The following SYNPR variants were observed in gnomAD, a reference collection of about 807,000 sequenced individuals.
SYNPR encodes the protein synaptoporin.
SYNPR carries 23 observed loss-of-function variants against 32.9 expected under a neutral mutation model. That is an observed-to-expected ratio of 0.70 (90% confidence interval 0.50 to 0.99). The LOEUF (loss-of-function observed/expected upper bound fraction) is 0.99. Among genes scored for constraint, SYNPR ranks in the 50% least tolerant of loss-of-function variants. The pLI is 0.00. For synonymous variants in SYNPR, 146 were observed against 135.9 expected, an observed-to-expected ratio of 1.07 and a Z score of -0.52; for missense variants, 318 against 349.3, an observed-to-expected ratio of 0.91 and a Z score of 0.71.
chr3:63,226,920 C>T (rs1309326251), upstream of SYNPR, among the ~76,000 whole-genome samples: 1 of 152,040 alleles, frequency 6.6e-6, no homozygotes, highest in Non-Finnish European at 1.5e-5. Context: ...CTTGAATACC[C>T]TGATCTGACT....
chr3:63,613,201 C>CAAT (rs1700227269), intron 5 of SYNPR, among the ~76,000 whole-genome samples: 1 of 151,148 alleles, frequency 6.6e-6, no homozygotes, highest in African/African-American at 2.4e-5. Context: ...CCAGGCACCT[C>CAAT]AATAATTTTT....
At chr3:63,578,519 G>T (rs948019803) in intron 4 of SYNPR, among the ~76,000 whole-genome samples, 1 of 152,068 alleles carries the variant, frequency 6.6e-6, no homozygotes, top group Non-Finnish European at 1.5e-5. Flanking sequence ...GAGAGAGGAG[G>T]TGTGAGAGTG....
intron 3 of SYNPR, among the ~76,000 whole-genome samples, chr3:63,498,231 C>T (rs1022476446): frequency 6.6e-6 from 1 of 152,086 alleles, no homozygotes; most frequent in African/African-American, 2.4e-5. Context: ...GAGGTGGGCA[C>T]TAATTTATCA....
chr3:63,474,413 CT>C lies in SYNPR; in HGVS notation c.85-6418del, dbSNP rs531786333. ...GCATCAACAGCCTCTGCTATAATAA[CT>C]AACTAAATAAGTGAGTAAGTAATTG... On this transcript the variant is annotated intron_variant, in intron 2 of 5. Coordinates refer to ENST00000478300, the MANE Select transcript of SYNPR (RefSeq NM_001130003.2). 3.0e-3 allele frequency among the ~76,000 whole-genome samples: 454 copies of C among 152,280 alleles called. 2 individuals carry two copies. Among genetic ancestry groups the C allele is most frequent in the Middle Eastern group, 3.4e-3 (1 of 294 alleles).
chr3:63,460,285 TC>T (rs1177860394), intron 2 of SYNPR, among the ~76,000 whole-genome samples: 2 of 152,030 alleles, frequency 1.3e-5, no homozygotes, highest in East Asian at 3.9e-4. Flanking sequence ...GCAGCCCAGT[TC>T]CTCAAATACA....
intron 1 of SYNPR, among the ~76,000 whole-genome samples, chr3:63,230,792 C>T (rs570719464): frequency 5.3e-5 from 8 of 152,218 alleles, no homozygotes; most frequent in South Asian, 4.2e-4. Flanking sequence ...TAAGATTTTA[C>T]GGATAAATCT....
At chr3:63,597,151 T>C (rs1011592108) in intron 4 of SYNPR, among the ~76,000 whole-genome samples, 3 of 152,168 alleles carry the variant, frequency 2.0e-5, no homozygotes, top group Non-Finnish European at 4.4e-5. Flanking sequence ...CATATGCCGC[T>C]CCTATTTGTG....
At chr3:63,392,247 A>C (rs918486953) in intron 2 of SYNPR, among the ~76,000 whole-genome samples, 5 of 152,200 alleles carry the variant, frequency 3.3e-5, no homozygotes, top group Admixed American at 1.3e-4. Context: ...CCAGGCAGTA[A>C]GAGTGAGGTT....
intron 2 of SYNPR, among the ~76,000 whole-genome samples, chr3:63,374,268 C>A (rs1196140474): frequency 6.6e-6 from 1 of 150,976 alleles, no homozygotes; most frequent in South Asian, 2.1e-4. Context: ...TGAATTTTAT[C>A]CAAATCCATT....
chr3:63,279,567 T>C (rs1015139455), intron 2 of SYNPR, among the ~76,000 whole-genome samples: 45 of 152,180 alleles, frequency 3.0e-4, no homozygotes, highest in Admixed American at 2.4e-3. Context: ...GGCTGGATGA[T>C]GGTTATTCAG....
At chr3:63,290,598 C>T (rs556882309) in intron 2 of SYNPR, among the ~76,000 whole-genome samples, 9 of 151,924 alleles carry the variant, frequency 5.9e-5, no homozygotes, top group Non-Finnish European at 8.8e-5. Context: ...TTCACTGATC[C>T]GTTGTATAAA....
At chr3:63,393,160 A>G (rs1360974582) in intron 2 of SYNPR, among the ~76,000 whole-genome samples, 1 of 152,206 alleles carries the variant, frequency 6.6e-6, no homozygotes, top group Admixed American at 6.5e-5. Flanking sequence ...GTTGCATGGT[A>G]TTGCACAGAA....
intron 3 of SYNPR, among the ~76,000 whole-genome samples, chr3:63,553,731 G>GT (rs1366336400): frequency 6.6e-6 from 1 of 151,850 alleles, no homozygotes; most frequent in Admixed American, 6.6e-5. Flanking sequence ...TGTTTGTTTT[G>GT]TTTTTTTGAG....
At chr3:63,260,820 C>T (rs2086431311) in intron 2 of SYNPR, among the ~76,000 whole-genome samples, 1 of 151,644 alleles carries the variant, frequency 6.6e-6, no homozygotes, top group Non-Finnish European at 1.5e-5. Context: ...GCAATCTACT[C>T]ATCTGACAAA....
chr3:63,595,831 AGTT>A lies in SYNPR; in HGVS notation c.409-13293_409-13291del, dbSNP rs1559546402. 9.0e-4 allele frequency among the ~76,000 whole-genome samples: 52 copies of A among 57,922 alleles called. 6 individuals are homozygous for A. The highest frequency in any genetic ancestry group is 4.0e-3 in the African/African-American group (51 of 12,812). 38.0% of individuals were successfully genotyped at this position (57,922 alleles called of 152,430 possible). Reference sequence around the variant, plus strand: ...TATATATATAGTTTTATATATATATAGTTATATATATAGTTTTATATATATATA... The same window carrying A: ...TATATATATAGTTTTATATATATATAATATATATAGTTTTATATATATATA... On this transcript the variant is annotated intron_variant, in intron 4 of 5. Coordinates refer to ENST00000478300, the MANE Select transcript of SYNPR (RefSeq NM_001130003.2).
At chr3:63,602,630 A>G (rs1029695986) in intron 4 of SYNPR, among the ~76,000 whole-genome samples, 2 of 152,046 alleles carry the variant, frequency 1.3e-5, no homozygotes, top group African/African-American at 4.8e-5. Context: ...TGCTTTTCAC[A>G]ATTTTGTCAA....
At chr3:63,376,610 T>G (rs956492996) in intron 2 of SYNPR, among the ~76,000 whole-genome samples, 1 of 152,090 alleles carries the variant, frequency 6.6e-6, no homozygotes, top group African/African-American at 2.4e-5. Context: ...TCCCAAGATA[T>G]TCACGTGATT....
At chr3:63,398,115 T>C (rs1008078410) in intron 2 of SYNPR, among the ~76,000 whole-genome samples, 1 of 152,188 alleles carries the variant, frequency 6.6e-6, no homozygotes, top group Non-Finnish European at 1.5e-5. Context: ...ACTTTACTTC[T>C]GGGGACATGG....
chr3:63,561,794 G>A (rs1702694474), intron 4 of SYNPR, among the ~76,000 whole-genome samples: 1 of 152,110 alleles, frequency 6.6e-6, no homozygotes, highest in African/African-American at 2.4e-5. Context: ...AGATTACCAG[G>A]ATTTGTTCCT....
Sources: gnomAD v4.1 joint callset for allele counts (sites outside exome capture counted in the v4.1 genomes callset) on GRCh38, gnomAD v4.1.1 for gene constraint, MANE v1.5 for transcripts, NCBI Gene and HGNC (gene_info 2026-07-23, HGNC 2026-07-21) for gene names.